Variants in PHF2 observed in about 807,000 individuals in gnomAD.
The protein encoded by PHF2 is lysine-specific demethylase PHF2.
A neutral mutation model predicts 120.5 loss-of-function variants in PHF2; 27 were observed. The observed-to-expected ratio is 0.22, with a 90% CI of 0.17 to 0.31. PHF2 has a LOEUF of 0.31. Ranked by LOEUF, PHF2 falls within the 10% of genes least tolerant of loss-of-function variation. The pLI, the probability that PHF2 is intolerant of heterozygous loss-of-function variation, is 1.00. For missense variants in PHF2, 1,024 were observed against 1,434.8 expected, an observed-to-expected ratio of 0.71 and a Z score of 4.63; for synonymous variants, 568 against 592.5, an observed-to-expected ratio of 0.96 and a Z score of 0.60.
intron 1 of PHF2, among the ~76,000 whole-genome samples, chr9:93,578,883 C>T (rs1211428661): frequency 2.0e-5 from 3 of 152,190 alleles, no homozygotes; most frequent in Admixed American, 6.5e-5. Context: ...AGTTGATCAG[C>T]ACAGATTTAT....
chr9:93,589,705 G>A (rs950811464), intron 1 of PHF2, among the ~76,000 whole-genome samples: 10 of 152,188 alleles, frequency 6.6e-5, no homozygotes, highest in Non-Finnish European at 1.5e-5. Flanking sequence ...TTAGCACATG[G>A]TAAGAAAAAT....
Position 93,676,945 on chromosome 9 carries a change from A to T in PHF2, c.3184A>T (p.Asn1062Tyr). ...GCGGCCCTCCGCATCGTCTCCAAACAACAACACCGCTGCCAAAGGTACTGT... is the reference window on the plus strand; with the variant it reads ...GCGGCCCTCCGCATCGTCTCCAAACTACAACACCGCTGCCAAAGGTACTGT... ...QRRPSASSPN[N>Y]NTAAKGKRTK... Residue 1062 changes from asparagine to tyrosine, a missense_variant, in exon 21 of 22, where the codon AAC becomes TAC. Around this residue, in one of 2 missense-constraint regions of PHF2, gnomAD observed 677 missense variants for 857.4 expected, o/e 0.79. Transcript: ENST00000359246. 6.4e-7 allele frequency: 1 copy of T among 1,560,716 alleles called. No individual in the cohort carries two copies. Among genetic ancestry groups the T allele is most frequent in the East Asian group, 2.3e-5 (1 of 43,288 alleles).
In PHF2 at chr9:93,630,220, C is replaced by T. The variant is rs576233433; in HGVS notation, c.184+165C>T. Among the ~76,000 whole-genome samples the T allele has an allele frequency of 2.0e-5, 3 of 152,342 alleles. No individual in the cohort carries two copies. The South Asian group carries it at 6.2e-4, about 32-fold the overall frequency. ...CTGGGGACCCTGCCAGCCTAGCTTA[C>T]TGTCCCCTGTAGCCTCACTAGGCCC... On this transcript the variant is annotated intron_variant, in intron 2 of 21. Coordinates refer to ENST00000359246, the MANE Select transcript of PHF2 (RefSeq NM_005392.4).
rs147348878 is a variant in PHF2 at position 93,653,936 on chromosome 9, T to C, written c.790-477T>C. On this transcript the variant is annotated intron_variant, in intron 6 of 21. Transcript: ENST00000359246. ...ATGCTGATCCCACCTCTGGGAGGCC[T>C]TGAGCAAGTCACTGGGGCATCCTCA... 1.5e-3 allele frequency among the ~76,000 whole-genome samples: 231 copies of C among 152,272 alleles called. 1 individual carries two copies. Among genetic ancestry groups the C allele is most frequent in the African/African-American group, 5.3e-3 (222 of 41,562 alleles).
At chr9:93,596,205 A>C (rs907847379) in intron 1 of PHF2, among the ~76,000 whole-genome samples, 1 of 152,042 alleles carries the variant, frequency 6.6e-6, no homozygotes, top group African/African-American at 2.4e-5. Flanking sequence ...GGTTAGGAGG[A>C]GGTTTCCCTG....
At position 93,676,897 on chromosome 9, in the gene PHF2, C is replaced by A; in HGVS notation, c.3136C>A (p.Pro1046Thr). ...QAGRTSQPMA[P>T]GVFLTQRRPS... is the part of the protein sequence containing the mutation. ...TGGCCGCACCTCCCAGCCCATGGCC[C>A]CTGGGGTCTTTCTCACACAGAGGCG... The change falls in exon 21 of 22, where the codon CCT becomes ACT. Residue 1046 changes from proline (P) to threonine (T), a missense_variant. Pro to Thr is a conservative substitution (Grantham distance 38). Coordinates refer to ENST00000359246, the MANE Select transcript of PHF2 (RefSeq NM_005392.4). 6.3e-7 allele frequency: 1 copy of A among 1,581,684 alleles called. No individual in the cohort carries two copies.
chr9:93,661,430 AATGG>A lies in PHF2; in HGVS notation c.1698+878_1698+881del, dbSNP rs1437361786. Among the ~76,000 whole-genome samples, 4 of 152,164 alleles carry A rather than the reference AATGG, an allele frequency of 2.6e-5. No homozygotes were observed. The East Asian group carries it at 7.7e-4, about 29-fold the overall frequency. On this transcript the variant is annotated intron_variant, in intron 12 of 21. Coordinates refer to ENST00000359246, the MANE Select transcript of PHF2 (RefSeq NM_005392.4). ...GGGTGAATGAATGAATAGGTGGATG[AATGG>A]ATGGATGAATGGATGAACAGACGGA...
At chr9:93,652,620 C>T (rs994759762) in intron 5 of PHF2, among the ~76,000 whole-genome samples, 10 of 152,128 alleles carry the variant, frequency 6.6e-5, no homozygotes, top group East Asian at 1.9e-4. Flanking sequence ...AAATTTAACA[C>T]GTTTTATCCA....
intron 17 of PHF2, among the ~76,000 whole-genome samples, 192 bp downstream of exon 17, chr9:93,667,432 C>G (rs1218644891): frequency 6.6e-6 from 1 of 152,234 alleles, no homozygotes; most frequent in Non-Finnish European, 1.5e-5. Flanking sequence ...TCCTTTCAAT[C>G]AAGGGCTTCT....
intron 1 of PHF2, among the ~76,000 whole-genome samples, chr9:93,617,095 G>C (rs527531123): frequency 2.0e-5 from 3 of 152,202 alleles, no homozygotes; most frequent in Non-Finnish European, 4.4e-5. Flanking sequence ...GCATGGTCTG[G>C]AGGGTGGCAT....
In PHF2 at chr9:93,676,874, GC is replaced by G; in HGVS notation, c.3115del (p.Arg1039AlafsTer48). 1 of 1,573,930 alleles carries G rather than the reference GC, an allele frequency of 6.4e-7. No homozygotes were observed. Among genetic ancestry groups the G allele is most frequent in the Non-Finnish European group, 8.6e-7 (1 of 1,160,182 alleles). The part of the protein sequence containing the change: ...AAGTFTGAQA[G>X]RTSQPMAPGV... ...GGCACCTTCACCGGGGCCCAGGCTG[GC>G]CGCACCTCCCAGCCCATGGCCCCTG... On this transcript the variant is annotated frameshift_variant, in exon 21 of 22. Coordinates refer to ENST00000359246, the MANE Select transcript of PHF2 (RefSeq NM_005392.4). LOFTEE classifies it high-confidence loss of function.
chr9:93,670,074 T>G (rs1266084665), intron 17 of PHF2, among the ~76,000 whole-genome samples: 2 of 152,214 alleles, frequency 1.3e-5, no homozygotes, highest in Non-Finnish European at 2.9e-5. Flanking sequence ...TCTGAATGGT[T>G]TTACTGAAAG....
intron 3 of PHF2, 59 bp downstream of exon 3, chr9:93,636,584 G>A (rs766599911): frequency 4.6e-5 from 54 of 1,184,500 alleles, no homozygotes; most frequent in Non-Finnish European, 5.3e-5. Context: ...CACTCTCTCC[G>A]TCCCTTGTCC....
At chr9:93,617,209 A>C (rs1825743636) in intron 1 of PHF2, among the ~76,000 whole-genome samples, 1 of 152,036 alleles carries the variant, frequency 6.6e-6, no homozygotes. Context: ...CCCCTAGCCC[A>C]CTCAAGTCCT....
At chr9:93,641,420 C>T (rs531853119) in intron 3 of PHF2, among the ~76,000 whole-genome samples, 5 of 152,346 alleles carry the variant, frequency 3.3e-5, no homozygotes, top group African/African-American at 7.2e-5. Context: ...TCAGGTAAGG[C>T]GATCTCAGCT....
At chr9:93,670,658 C>T (rs1169850867) in intron 17 of PHF2, among the ~76,000 whole-genome samples, 2 of 152,194 alleles carry the variant, frequency 1.3e-5, no homozygotes, top group East Asian at 3.9e-4. Flanking sequence ...GGGGTCCTTG[C>T]TGTCCAGCAG....
rs10821201 is a variant in PHF2, at chr9:93,676,716, T to C, written c.2955T>C (p.Ser985=). The stretch of plus-strand genomic sequence containing the variant: ...CCTCCACCTCCACCACGCCAGCCTC[T>C]ACCACCCCGGCCTCCACCACCCCGG... ...GTTSTSTTPA[S]TTPASTTPAS... is the part of the protein sequence containing the mutation. Residue 985 remains serine, a synonymous_variant, in exon 21 of 22, where the codon TCT becomes TCC. Coordinates refer to ENST00000359246, the MANE Select transcript of PHF2 (RefSeq NM_005392.4). The C allele has an allele frequency of 1.4e-5, 7 of 515,762 alleles. No individual in the cohort carries two copies. The highest frequency in any genetic ancestry group is 3.6e-5 in the Admixed American group (1 of 28,162). The allele number at this position is 515,762 out of a possible 1,614,324, so 31.9% of individuals were successfully genotyped here. A position where few individuals can be genotyped will look rare whatever the true frequency, so the allele number is the denominator to read the frequency against.
At chr9:93,675,971 G>T (rs527964198) in intron 20 of PHF2, among the ~76,000 whole-genome samples, 182 bp downstream of exon 20, 2 of 152,198 alleles carry the variant, frequency 1.3e-5, no homozygotes, top group Middle Eastern at 3.2e-3. Flanking sequence ...TAAATTCCCC[G>T]TGTGGGGTCC....
intron 1 of PHF2, among the ~76,000 whole-genome samples, chr9:93,613,705 G>T (rs1324497589): frequency 6.6e-6 from 1 of 151,970 alleles, no homozygotes; most frequent in African/African-American, 2.4e-5. Flanking sequence ...CTGAGTAGCT[G>T]GGATTTACAG....
Sources: allele counts gnomAD v4.1 joint callset (sites outside exome capture counted in the v4.1 genomes callset), GRCh38; gene constraint gnomAD v4.1.1; regional missense constraint gnomAD v4.1.1; transcripts MANE v1.5; gene names NCBI Gene and HGNC (gene_info 2026-07-23, HGNC 2026-07-21).